KCNIP4: variants seen among roughly 807,000 people sequenced by gnomAD.
KCNIP4 encodes potassium voltage-gated channel interacting protein 4, also known as Kv channel-interacting protein 4.
Under a neutral mutation model 34.0 loss-of-function variants are expected in KCNIP4, and 12 were observed. That is an observed-to-expected ratio of 0.35 (90% CI 0.23 to 0.57). The LOEUF is 0.57. Among genes scored for constraint, KCNIP4 ranks in the 20% least tolerant of loss-of-function variants. KCNIP4 has a pLI of 0.83. For synonymous variants in KCNIP4, 124 were observed against 102.2 expected (o/e 1.21, Z -1.29); for missense variants, 238 against 311.7 (o/e 0.76, Z 1.78).
At chr4:21,880,664 A>G (rs1726409987) in intron 1 of KCNIP4, among the ~76,000 whole-genome samples, 1 of 152,208 alleles carries the variant, frequency 6.6e-6, no homozygotes, top group Non-Finnish European at 1.5e-5. Context: ...ATTAACTGAG[A>G]ATTTACTGTA....
intron 1 of KCNIP4, among the ~76,000 whole-genome samples, chr4:21,530,286 C>G (rs1419736165): frequency 6.6e-6 from 1 of 151,990 alleles, no homozygotes; most frequent in African/African-American, 2.4e-5. Context: ...TTATACAGCT[C>G]TAGCTACAGT....
At chr4:21,364,214 G>A (rs1719500218) in intron 1 of KCNIP4, among the ~76,000 whole-genome samples, 1 of 151,760 alleles carries the variant, frequency 6.6e-6, no homozygotes. Flanking sequence ...TTTCTTTTTT[G>A]AAAATTCCTA....
intron 1 of KCNIP4, among the ~76,000 whole-genome samples, chr4:21,646,740 A>C (rs558085932): frequency 6.6e-6 from 1 of 152,288 alleles, no homozygotes; most frequent in African/African-American, 2.4e-5. Context: ...TCTCCCTGGC[A>C]CTATCCATGA....
intron 1 of KCNIP4, among the ~76,000 whole-genome samples, chr4:21,785,620 A>T (rs28813189): frequency 0.092 from 13,758 of 149,676 alleles, 648 homozygotes; most frequent in Middle Eastern, 0.16. Flanking sequence ...TAAATAAAAT[A>T]AAAAAATAAC....
At chr4:21,819,903 A>T (rs779102191) in intron 1 of KCNIP4, among the ~76,000 whole-genome samples, 8 of 152,104 alleles carry the variant, frequency 5.3e-5, no homozygotes, top group Non-Finnish European at 1.2e-4. Flanking sequence ...GAAATAGTGA[A>T]CTAAGATTTA....
intron 3 of KCNIP4, among the ~76,000 whole-genome samples, chr4:20,770,934 C>CAATA (rs202225130): frequency 1.3e-5 from 2 of 149,644 alleles, no homozygotes; most frequent in African/African-American, 5.0e-5. Flanking sequence ...GACTCCATCT[C>CAATA]AATAAATAAA....
intron 1 of KCNIP4, among the ~76,000 whole-genome samples, chr4:21,489,321 GAAA>G (rs529825719): frequency 1.0e-4 from 13 of 125,538 alleles, no homozygotes; most frequent in African/African-American, 3.9e-4. Flanking sequence ...ACATAGAGTT[GAAA>G]AAAAAAAAAA....
At chr4:21,158,620 A>C (rs1239199427) in intron 1 of KCNIP4, among the ~76,000 whole-genome samples, 2 of 152,194 alleles carry the variant, frequency 1.3e-5, no homozygotes, top group Non-Finnish European at 1.5e-5. Flanking sequence ...TCAGCAAATC[A>C]AGAACAAAAG....
At chr4:21,754,221 G>C (rs1379205004) in intron 1 of KCNIP4, among the ~76,000 whole-genome samples, 1 of 151,972 alleles carries the variant, frequency 6.6e-6, no homozygotes, top group Non-Finnish European at 1.5e-5. Flanking sequence ...CTTTACAATG[G>C]AAAGTTCTCC....
intron 1 of KCNIP4, among the ~76,000 whole-genome samples, chr4:20,891,567 G>A (rs1042737437): frequency 6.6e-6 from 1 of 151,966 alleles, no homozygotes; most frequent in Non-Finnish European, 1.5e-5. Flanking sequence ...ATCACGCCAC[G>A]GCACTCTAGC....
At chr4:21,755,537 A>G (rs1717449496) in intron 1 of KCNIP4, among the ~76,000 whole-genome samples, 1 of 152,148 alleles carries the variant, frequency 6.6e-6, no homozygotes, top group African/African-American at 2.4e-5. Context: ...AATGGTCCCT[A>G]ATCCCAGGGA....
chr4:21,240,471 C>T (rs776700894), intron 1 of KCNIP4, among the ~76,000 whole-genome samples: 20 of 152,274 alleles, frequency 1.3e-4, no homozygotes, highest in Non-Finnish European at 2.8e-4. Flanking sequence ...CAGCAGATAA[C>T]AGACCCCATG....
intron 1 of KCNIP4, among the ~76,000 whole-genome samples, chr4:21,784,778 T>G (rs10033864): frequency 6.6e-6 from 1 of 152,088 alleles, no homozygotes; most frequent in Non-Finnish European, 1.5e-5. Context: ...ACAGCATTTT[T>G]ATTTATCTTA....
intron 1 of KCNIP4, among the ~76,000 whole-genome samples, chr4:21,881,006 AAG>A (rs1309705650): frequency 1.3e-5 from 2 of 152,210 alleles, no homozygotes; most frequent in Non-Finnish European, 1.5e-5. Flanking sequence ...TTTGTTTGGG[AAG>A]ACATTTGTAA....
At chr4:20,830,713 A>C (rs1180285636) in intron 3 of KCNIP4, among the ~76,000 whole-genome samples, 5 of 152,230 alleles carry the variant, frequency 3.3e-5, no homozygotes, top group Admixed American at 1.3e-4. Flanking sequence ...ATCAAATTAC[A>C]GGGCCTGTTT....
chr4:21,556,930 A>ACAAAAAAACAAAAAAAAAC, intron 1 of KCNIP4, among the ~76,000 whole-genome samples: 1 of 108,194 alleles, frequency 9.2e-6, no homozygotes, highest in Admixed American at 9.3e-5. Flanking sequence ...CAGAAAAAAA[A>ACAAAAAAACAAAAAAAAAC]AAAAAAAAAA....
At chr4:21,285,607 T>C (rs560445902) in intron 1 of KCNIP4, among the ~76,000 whole-genome samples, 1 of 152,100 alleles carries the variant, frequency 6.6e-6, no homozygotes, top group African/African-American at 2.4e-5. Context: ...GGTGGGTGGA[T>C]CATTTGAGGT....
chr4:21,355,971 A>T (rs146659383), intron 1 of KCNIP4, among the ~76,000 whole-genome samples: 2 of 152,196 alleles, frequency 1.3e-5, no homozygotes, highest in Non-Finnish European at 1.5e-5. Flanking sequence ...AGTGGGCTTC[A>T]TCGCTGGGAT....
chr4:21,473,273 T>TG (rs1730618576), intron 1 of KCNIP4, among the ~76,000 whole-genome samples: 2 of 152,178 alleles, frequency 1.3e-5, no homozygotes, highest in Non-Finnish European at 2.9e-5. Context: ...AAAATATATA[T>TG]TTCTCAGTCA....
Sources: allele counts gnomAD v4.1 joint callset (sites outside exome capture counted in the v4.1 genomes callset), GRCh38; gene constraint gnomAD v4.1.1; transcripts MANE v1.5; gene names NCBI Gene and HGNC (gene_info 2026-07-23, HGNC 2026-07-21).